PRKCA: variants seen among roughly 807,000 people sequenced by gnomAD.
The protein encoded by PRKCA is protein kinase C alpha type.
A neutral mutation model predicts 87.0 loss-of-function variants in PRKCA; 27 were observed. The ratio of observed to expected loss-of-function variants is 0.31; its 90% CI spans 0.23 to 0.43. The LOEUF is 0.43. Ranked by LOEUF, PRKCA falls within the 20% of genes least tolerant of loss-of-function variation. The probability of loss-of-function intolerance (pLI) is 1.00; values close to 1 mark genes in which losing one functional copy is unlikely to be tolerated. For missense variants in PRKCA, 518 were observed against 852.3 expected, an observed-to-expected ratio of 0.61 and a Z score of 4.88; for synonymous variants, 329 against 311.1, an observed-to-expected ratio of 1.06 and a Z score of -0.61.
At chr17:66,499,392 G>C (rs565482207) in intron 3 of PRKCA, among the ~76,000 whole-genome samples, 30 of 152,298 alleles carry the variant, frequency 2.0e-4, no homozygotes, top group African/African-American at 6.5e-4. Flanking sequence ...TCGTATCTCT[G>C]TGTTTGTTAT....
intron 3 of PRKCA, among the ~76,000 whole-genome samples, chr17:66,577,858 G>A (rs945296653): frequency 6.6e-6 from 1 of 151,964 alleles, no homozygotes; most frequent in Non-Finnish European, 1.5e-5. Flanking sequence ...GGAGTGGGGT[G>A]CTGCCCTAGC....
intron 2 of PRKCA, among the ~76,000 whole-genome samples, chr17:66,362,465 G>A (rs1450943190): frequency 6.6e-6 from 1 of 152,084 alleles, no homozygotes; most frequent in Non-Finnish European, 1.5e-5. Context: ...CTGCTCAATT[G>A]TCCCACGATT....
intron 2 of PRKCA, among the ~76,000 whole-genome samples, chr17:66,380,313 A>G (rs564661493): frequency 2.6e-5 from 4 of 152,112 alleles, no homozygotes; most frequent in African/African-American, 9.6e-5. Context: ...TGTAGGTACA[A>G]TTTCTGTAGT....
intron 2 of PRKCA, among the ~76,000 whole-genome samples, chr17:66,399,392 A>G (rs1234643696): frequency 1.3e-5 from 2 of 152,110 alleles, no homozygotes; most frequent in East Asian, 3.8e-4. Context: ...CAGTAAATGA[A>G]AATTTGGGTA....
chr17:66,660,599 G>C (rs542281791), intron 5 of PRKCA, among the ~76,000 whole-genome samples: 4 of 152,156 alleles, frequency 2.6e-5, no homozygotes, highest in East Asian at 3.9e-4. Context: ...GGTTATAAAG[G>C]ATAAAACCGG....
At chr17:66,460,014 C>G (rs892665488) in intron 2 of PRKCA, among the ~76,000 whole-genome samples, 2 of 152,128 alleles carry the variant, frequency 1.3e-5, no homozygotes, top group Non-Finnish European at 2.9e-5. Context: ...TGGATGCAAG[C>G]CTTTCTTGCA....
chr17:66,726,870 G>A (rs1466863074), intron 8 of PRKCA, among the ~76,000 whole-genome samples: 3 of 151,992 alleles, frequency 2.0e-5, no homozygotes, highest in Non-Finnish European at 2.9e-5. Context: ...GACTACAGGC[G>A]CCCACCACCA....
At chr17:66,632,537 C>A (rs1971049139) in intron 3 of PRKCA, among the ~76,000 whole-genome samples, 1 of 152,028 alleles carries the variant, frequency 6.6e-6, no homozygotes. Flanking sequence ...AGGCCACCAC[C>A]CCCAGCTAAT....
intron 3 of PRKCA, among the ~76,000 whole-genome samples, chr17:66,505,765 G>A (rs996488541): frequency 1.3e-5 from 2 of 152,184 alleles, no homozygotes; most frequent in African/African-American, 4.8e-5. Context: ...CATCAAGTCT[G>A]GGAACAGATC....
chr17:66,582,487 G>C (rs1969475497), intron 3 of PRKCA, among the ~76,000 whole-genome samples: 1 of 152,162 alleles, frequency 6.6e-6, no homozygotes, highest in South Asian at 2.1e-4. Context: ...CATGAGAACT[G>C]ATGGTTTTAT....
chr17:66,308,594 A>G (rs1478709127), intron 2 of PRKCA, among the ~76,000 whole-genome samples: 4 of 152,148 alleles, frequency 2.6e-5, no homozygotes, highest in Non-Finnish European at 4.4e-5. Flanking sequence ...TACAAATTAC[A>G]GTTCACAGAG....
intron 3 of PRKCA, among the ~76,000 whole-genome samples, chr17:66,566,198 C>A (rs1968884287): frequency 6.6e-6 from 1 of 152,192 alleles, no homozygotes; most frequent in African/African-American, 2.4e-5. Context: ...TTCAGATCTG[C>A]TGATGATACC....
chr17:66,528,399 A>G (rs774810132), intron 3 of PRKCA, among the ~76,000 whole-genome samples: 19 of 152,130 alleles, frequency 1.2e-4, no homozygotes, highest in Non-Finnish European at 2.2e-4. Flanking sequence ...AGCATAATGC[A>G]GATGTGATTA....
intron 2 of PRKCA, among the ~76,000 whole-genome samples, chr17:66,485,378 G>A (rs1442440377): frequency 3.3e-5 from 5 of 152,160 alleles, no homozygotes; most frequent in South Asian, 4.1e-4. Context: ...TTTAGATCCC[G>A]TGTAGCATTT....
intron 2 of PRKCA, among the ~76,000 whole-genome samples, chr17:66,444,304 C>G (rs909102134): frequency 5.9e-5 from 9 of 152,184 alleles, no homozygotes; most frequent in African/African-American, 1.7e-4. Context: ...TGGCTTGCCA[C>G]CAACTCTCAT....
intron 3 of PRKCA, among the ~76,000 whole-genome samples, chr17:66,530,996 A>T (rs1356550397): frequency 6.6e-6 from 1 of 152,198 alleles, no homozygotes; most frequent in Non-Finnish European, 1.5e-5. Context: ...TTTGGGACAC[A>T]AGGGCCCACG....
At chr17:66,457,140 T>C (rs1914609392) in intron 2 of PRKCA, among the ~76,000 whole-genome samples, 1 of 152,190 alleles carries the variant, frequency 6.6e-6, no homozygotes, top group African/African-American at 2.4e-5. Flanking sequence ...ATTTAAGGGA[T>C]AGACTCATCT....
chr17:66,751,849 C>T (rs552089381), intron 13 of PRKCA, among the ~76,000 whole-genome samples: 1 of 152,300 alleles, frequency 6.6e-6, no homozygotes, highest in East Asian at 1.9e-4. Context: ...GGCACATCTT[C>T]CATAGCCAGA....
chr17:66,760,598 C>G (rs1187091107), intron 13 of PRKCA, among the ~76,000 whole-genome samples: 1 of 152,050 alleles, frequency 6.6e-6, no homozygotes, highest in Non-Finnish European at 1.5e-5. Flanking sequence ...TCAACAAACC[C>G]AAAAGGAAGT....
Sources: allele counts gnomAD v4.1 joint callset (sites outside exome capture counted in the v4.1 genomes callset), GRCh38; gene constraint gnomAD v4.1.1; transcripts MANE v1.5; gene names NCBI Gene and HGNC (gene_info 2026-07-23, HGNC 2026-07-21).